The following CALD1 variants were observed in gnomAD, a reference collection of about 807,000 sequenced individuals.
CALD1 encodes the protein caldesmon 1.
A neutral mutation model predicts 99.9 loss-of-function variants in CALD1; 33 were observed. The observed-to-expected ratio is 0.33, with a 90% CI of 0.25 to 0.44. The LOEUF is 0.44. Among genes scored for constraint, CALD1 ranks in the 20% least tolerant of loss-of-function variants. The pLI, the probability that CALD1 is intolerant of heterozygous loss-of-function variation, is 1.00. For synonymous variants in CALD1, 310 were observed against 325.0 expected (o/e 0.95, Z 0.50); for missense variants, 861 against 962.1 (o/e 0.89, Z 1.39).
At chr7:134,773,563 T>C (rs1455974472) in intron 1 of CALD1, among the ~76,000 whole-genome samples, 1 of 152,144 alleles carries the variant, frequency 6.6e-6, no homozygotes, top group Admixed American at 6.6e-5. Context: ...CCGTGCCCAG[T>C]TGATTTTTCT....
intron 1 of CALD1, among the ~76,000 whole-genome samples, chr7:134,755,204 T>C (rs1325573544): frequency 6.6e-6 from 1 of 152,162 alleles, no homozygotes; most frequent in Non-Finnish European, 1.5e-5. Context: ...TTTCACCATG[T>C]TGGCCAGGCT....
chr7:134,857,499 C>A (rs1800368412), intron 2 of CALD1, among the ~76,000 whole-genome samples: 1 of 151,994 alleles, frequency 6.6e-6, no homozygotes, highest in Admixed American at 6.6e-5. Flanking sequence ...GTGAGCCATT[C>A]CCTACCTGAG....
upstream of CALD1, among the ~76,000 whole-genome samples, chr7:134,778,860 G>A (rs1796990733): frequency 6.6e-6 from 1 of 152,212 alleles, no homozygotes; most frequent in African/African-American, 2.4e-5. Flanking sequence ...AAACAAAAGA[G>A]ATAAGGAGAG....
chr7:134,725,019 C>A, the CALD1 span, among the ~76,000 whole-genome samples: 1 of 152,230 alleles, frequency 6.6e-6, no homozygotes, highest in African/African-American at 2.4e-5. Context: ...GAGGTGGGTG[C>A]AGTCAACCCC....
At chr7:134,930,804 T>A (rs1805463838) in intron 4 of CALD1, among the ~76,000 whole-genome samples, 1 of 152,224 alleles carries the variant, frequency 6.6e-6, no homozygotes, top group Non-Finnish European at 1.5e-5. Context: ...TTACACATAG[T>A]AAGCACTCAA....
intron 3 of CALD1, among the ~76,000 whole-genome samples, chr7:134,888,749 A>G (rs971720477): frequency 3.9e-5 from 6 of 152,200 alleles, no homozygotes; most frequent in African/African-American, 1.4e-4. Context: ...GGGTTTTACT[A>G]TCACAAACTG....
At chr7:134,793,876 A>T (rs1797640556) in intron 1 of CALD1, among the ~76,000 whole-genome samples, 1 of 151,550 alleles carries the variant, frequency 6.6e-6, no homozygotes, top group Admixed American at 6.6e-5. Flanking sequence ...CAACCCCAAG[A>T]AGCTTTATGT....
chr7:134,766,141 C>CT (rs71172475), intron 1 of CALD1, among the ~76,000 whole-genome samples: 6,315 of 70,944 alleles, frequency 0.089, 958 homozygotes, highest in Non-Finnish European at 0.12. Flanking sequence ...CTTTTCTTTT[C>CT]TTTTTTTTTT....
At chr7:134,744,414 T>C (rs1796616642) in intron 1 of CALD1, 1 of 151,978 alleles carries the variant, frequency 6.6e-6, no homozygotes, top group Admixed American at 6.6e-5. Context: ...TAAAGTTGGT[T>C]TTAAACATTT....
At chr7:134,734,893 A>G in the CALD1 span, 1 of 158,852 alleles carries the variant, frequency 6.3e-6, no homozygotes, top group Non-Finnish European at 1.4e-5. Flanking sequence ...CAGTAACAGA[A>G]GGCTCTAAGT....
At chr7:134,738,612 C>G in the CALD1 span, among the ~76,000 whole-genome samples, 21 of 152,142 alleles carry the variant, frequency 1.4e-4, no homozygotes, top group Non-Finnish European at 2.6e-4. Flanking sequence ...GTTGAAAATT[C>G]TTATTAACAA....
chr7:134,950,816 C>T (rs1407379864), intron 9 of CALD1, among the ~76,000 whole-genome samples: 1 of 152,110 alleles, frequency 6.6e-6, no homozygotes, highest in African/African-American at 2.4e-5. Context: ...ACTAGCCGGA[C>T]GTGGTGGCAC....
chr7:134,737,621 G>A, the CALD1 span, among the ~76,000 whole-genome samples: 3 of 152,008 alleles, frequency 2.0e-5, no homozygotes, highest in South Asian at 2.1e-4. Context: ...CTAGAGCCTC[G>A]GTTTCTTGGG....
intron 2 of CALD1, among the ~76,000 whole-genome samples, chr7:134,856,379 C>T (rs1238973637): frequency 1.3e-5 from 2 of 152,148 alleles, no homozygotes; most frequent in Admixed American, 1.3e-4. Flanking sequence ...AATGGGTAGC[C>T]ACGCGAGGCC....
chr7:134,934,046 A>G lies in CALD1; in HGVS notation c.1277A>G (p.Asp426Gly), dbSNP rs774921696. The change falls in exon 5 of 15, where the codon GAT becomes GGT. Residue 426 changes from aspartate (D) to glycine (G), a missense_variant. Around this residue, in one of 5 missense-constraint regions of CALD1, gnomAD observed 293 missense variants for 262.7 expected, o/e 1.12. Transcript: ENST00000361675. Reference sequence around the variant, plus strand: ...GTAAATGAAAAGAAAGCACAAGAAGATAAACTTCAGACAGCTGTCCTAAAG... The same window carrying G: ...GTAAATGAAAAGAAAGCACAAGAAGGTAAACTTCAGACAGCTGTCCTAAAG... ...KWVNEKKAQE[D>G]KLQTAVLKKQ... 2.5e-6 allele frequency: 4 copies of G among 1,612,298 alleles called. No individual in the cohort carries two copies. The highest frequency in any genetic ancestry group is 3.4e-6 in the Non-Finnish European group (4 of 1,179,498).
intron 1 of CALD1, among the ~76,000 whole-genome samples, chr7:134,826,567 A>G (rs1252090005): frequency 1.3e-5 from 2 of 152,164 alleles, no homozygotes; most frequent in Non-Finnish European, 2.9e-5. Context: ...ACCATGACTT[A>G]AAATTGAGGT....
At chr7:134,885,633 G>T (rs1478909122) in intron 3 of CALD1, among the ~76,000 whole-genome samples, 6 of 152,128 alleles carry the variant, frequency 3.9e-5, no homozygotes, top group Non-Finnish European at 7.4e-5. Flanking sequence ...TGTGGCTTAG[G>T]AACTAATATG....
intron 3 of CALD1, among the ~76,000 whole-genome samples, chr7:134,875,227 G>A (rs1044994968): frequency 3.3e-5 from 5 of 152,124 alleles, no homozygotes; most frequent in African/African-American, 1.2e-4. Flanking sequence ...TTGTAGAGAT[G>A]TGGTCTCGCC....
chr7:134,896,220 G>T (rs982800819), intron 3 of CALD1, among the ~76,000 whole-genome samples: 15 of 152,196 alleles, frequency 9.9e-5, no homozygotes, highest in African/African-American at 2.9e-4. Flanking sequence ...TCTCGCCATT[G>T]TTCCATCTTC....
Sources: gnomAD v4.1 joint callset for allele counts (sites outside exome capture counted in the v4.1 genomes callset) on GRCh38, gnomAD v4.1.1 for gene constraint, gnomAD v4.1.1 regional missense constraint, MANE v1.5 for transcripts, NCBI Gene and HGNC (gene_info 2026-07-23, HGNC 2026-07-21) for gene names.